Variants in ARHGEF26 observed in about 807,000 individuals in gnomAD.
ARHGEF26 encodes Rho guanine nucleotide exchange factor 26, also known as Rho guanine nucleotide exchange factor (GEF) 26.
In ARHGEF26, 59 loss-of-function variants were observed where a neutral mutation model predicts 89.4. That is an observed-to-expected ratio of 0.66 (90% CI 0.54 to 0.82). The LOEUF is 0.82. Among genes scored for constraint, ARHGEF26 ranks in the 40% least tolerant of loss-of-function variants. The pLI is 0.00. For missense variants in ARHGEF26, 1,234 were observed against 1,085.6 expected, an observed-to-expected ratio of 1.14 and a Z score of -1.92; for synonymous variants, 500 against 428.4, an observed-to-expected ratio of 1.17 and a Z score of -2.06.
intron 9 of ARHGEF26, among the ~76,000 whole-genome samples, chr3:154,196,550 A>G (rs1213111257): frequency 6.6e-6 from 1 of 152,196 alleles, no homozygotes; most frequent in Non-Finnish European, 1.5e-5. Flanking sequence ...TAATATTTAC[A>G]AAATCATGGG....
rs1334502000 is a variant in ARHGEF26 at position 154,240,509 on chromosome 3, C to G, written c.2230C>G (p.Leu744Val). ...LYSRQSSASH[L>V]FTLTVLSNHA... Reference sequence around the variant, plus strand: ...TTCAAGACAGAGCTCTGCCAGTCACCTCTTTACTCTGACAGTCCTTAGTAA... The same window carrying G: ...TTCAAGACAGAGCTCTGCCAGTCACGTCTTTACTCTGACAGTCCTTAGTAA... Residue 744 changes from leucine to valine, a missense_variant, in exon 12 of 15, where the codon CTC becomes GTC. Physicochemically the swap from Leu to Val is conservative, Grantham distance 32. Coordinates refer to ENST00000465093, the MANE Select transcript of ARHGEF26 (RefSeq NM_015595.4). 24 of 1,613,372 alleles carry G rather than the reference C, an allele frequency of 1.5e-5. No individual in the cohort carries two copies. Among genetic ancestry groups the G allele is most frequent in the Non-Finnish European group, 2.0e-5 (24 of 1,179,580 alleles).
intron 9 of ARHGEF26, among the ~76,000 whole-genome samples, chr3:154,200,437 G>T (rs192632118): frequency 1.3e-5 from 2 of 152,088 alleles, no homozygotes; most frequent in East Asian, 1.9e-4. Context: ...TTTTATGCCA[G>T]TACCATGCTG....
chr3:154,171,890 A>G (rs1712465231), intron 6 of ARHGEF26, among the ~76,000 whole-genome samples: 1 of 152,122 alleles, frequency 6.6e-6, no homozygotes, highest in South Asian at 2.1e-4. Context: ...ACTGGCCAAG[A>G]ATGCTGAGAA....
intron 11 of ARHGEF26, among the ~76,000 whole-genome samples, chr3:154,237,059 C>A (rs1559918984): frequency 6.6e-6 from 1 of 152,164 alleles, no homozygotes; most frequent in Non-Finnish European, 1.5e-5. Flanking sequence ...GTGATTAGGG[C>A]AGCCACAGTT....
At chr3:154,147,379 C>G (rs900586743) in intron 4 of ARHGEF26, among the ~76,000 whole-genome samples, 3 of 152,172 alleles carry the variant, frequency 2.0e-5, no homozygotes, top group Admixed American at 6.5e-5. Flanking sequence ...CCACTGCACT[C>G]CAGTCTGAGC....
rs148991949 is a variant in ARHGEF26 at position 154,251,308 on chromosome 3, G to A, written c.2301-1808G>A. Among the ~76,000 whole-genome samples the A allele has an allele frequency of 2.5e-3, 375 of 152,284 alleles. 1 individual carries two copies. The highest frequency in any genetic ancestry group is 6.0e-3 in the South Asian group (29 of 4,830). ...ATTAGATTAGATGATACTTGCAATT[G>A]TTTAGTACCATACCTGACACATAGG... On this transcript the variant is annotated intron_variant, in intron 12 of 14. Transcript: ENST00000465093.
At chr3:154,255,301 G>A in intron 14 of ARHGEF26, 30 bp from the exon 15 acceptor site, 1 of 1,599,938 alleles carries the variant, frequency 6.3e-7, no homozygotes, top group Non-Finnish European at 8.5e-7. Context: ...AATACTTGTT[G>A]TTTGGTGTGG....
intron 11 of ARHGEF26, among the ~76,000 whole-genome samples, chr3:154,233,529 T>G (rs1050120725): frequency 6.6e-6 from 1 of 152,178 alleles, no homozygotes; most frequent in African/African-American, 2.4e-5. Flanking sequence ...TAAACCCCAT[T>G]AACTCCTGTG....
At position 154,122,775 on chromosome 3, in the gene ARHGEF26, A is replaced by C. The variant is rs939235681; in HGVS notation, c.783A>C (p.Ile261=). The change falls in exon 2 of 15, where the codon ATA becomes ATC. Residue 261 remains isoleucine, a synonymous_variant. Transcript: ENST00000465093. ...IPKSLASEIK[I]SKSNNQNVEP... ...AGAGTCTGGCCTCGGAAATTAAAATAAGTAAATCCAACAATCAAAATGTGG... is the reference window on the plus strand; with the variant it reads ...AGAGTCTGGCCTCGGAAATTAAAATCAGTAAATCCAACAATCAAAATGTGG... 1 of 1,611,006 alleles carries C rather than the reference A, an allele frequency of 6.2e-7. No homozygotes were observed. Among genetic ancestry groups the C allele is most frequent in the Non-Finnish European group, 8.5e-7 (1 of 1,178,486 alleles).
chr3:154,124,874 G>T (rs563727936), intron 3 of ARHGEF26, among the ~76,000 whole-genome samples: 3 of 151,688 alleles, frequency 2.0e-5, no homozygotes, highest in Non-Finnish European at 4.4e-5. Flanking sequence ...CTGACTTCCT[G>T]TTTCCTTATT....
At chr3:154,149,733 A>T (rs968030850) in intron 5 of ARHGEF26, among the ~76,000 whole-genome samples, 7 of 152,160 alleles carry the variant, frequency 4.6e-5, no homozygotes, top group African/African-American at 1.7e-4. Context: ...TGAAACCAAC[A>T]TTAGATCTTA....
At chr3:154,240,310 C>CTG (rs1285839847) in intron 11 of ARHGEF26, 60 bp from the exon 12 acceptor site, 3 of 1,349,760 alleles carry the variant, frequency 2.2e-6, no homozygotes, top group Non-Finnish European at 2.0e-6. Flanking sequence ...GCCTCGAAAA[C>CTG]TGACAATGTC....
intron 7 of ARHGEF26, among the ~76,000 whole-genome samples, chr3:154,189,902 T>C (rs1488231149): frequency 3.9e-5 from 6 of 152,080 alleles, no homozygotes; most frequent in Admixed American, 3.9e-4. Flanking sequence ...AACTTCTCAA[T>C]TAGAGAAAAT....
intron 6 of ARHGEF26, among the ~76,000 whole-genome samples, chr3:154,185,164 AT>A (rs879322334): frequency 1.7e-4 from 25 of 150,142 alleles, no homozygotes; most frequent in African/African-American, 4.4e-4. Context: ...AAATGTGTGA[AT>A]TTTTTTTTTA....
chr3:154,216,509 ATT>A lies in ARHGEF26; in HGVS notation c.1846-1351_1846-1350del, dbSNP rs1273722931. On this transcript the variant is annotated intron_variant, in intron 9 of 14. Coordinates refer to ENST00000465093, the MANE Select transcript of ARHGEF26 (RefSeq NM_015595.4). ...TTTTTTTTATTTTTTTTTATTTTTTATTTTTTTTTTATGTCTATACAAAATAT... is the reference window on the plus strand; with the variant it reads ...TTTTTTTTATTTTTTTTTATTTTTTATTTTTTTTATGTCTATACAAAATAT... Among the ~76,000 whole-genome samples the A allele has an allele frequency of 4.1e-3, 109 of 26,348 alleles. 1 individual carries two copies. Among genetic ancestry groups the A allele is most frequent in the South Asian group, 9.2e-3 (4 of 436 alleles). 17.3% of individuals were successfully genotyped at this position (26,348 alleles called of 152,430 possible).
Position 154,239,291 on chromosome 3 carries a change from AGAGAGAGAGTGTGT to A in ARHGEF26, c.2091-1077_2091-1064del, listed in dbSNP as rs1314983678. The stretch of plus-strand genomic sequence containing the variant: ...GAGAGAGAGAGAGAGAGAGAGAGAG[AGAGAGAGAGTGTGT>A]GTGTGTGTGTGTGTGTGTGTGTGTG... On this transcript the variant is annotated intron_variant, in intron 11 of 14. Transcript: ENST00000465093. 8.4e-4 allele frequency among the ~76,000 whole-genome samples: 52 copies of A among 61,878 alleles called. 1 individual carries two copies. The highest frequency in any genetic ancestry group is 2.2e-3 in the African/African-American group (41 of 18,498). The allele number at this position is 61,878 out of a possible 152,430, so 40.6% of individuals were successfully genotyped here. A position where few individuals can be genotyped will look rare whatever the true frequency, so the allele number is the denominator to read the frequency against.
At chr3:154,195,216 G>A (rs759819326) in intron 9 of ARHGEF26, among the ~76,000 whole-genome samples, 1 of 152,178 alleles carries the variant, frequency 6.6e-6, no homozygotes, top group African/African-American at 2.4e-5. Flanking sequence ...CAGGATTGGG[G>A]GAAGAGAGTG....
intron 3 of ARHGEF26, among the ~76,000 whole-genome samples, chr3:154,125,487 TTAC>T (rs1049253307): frequency 6.6e-6 from 1 of 151,674 alleles, no homozygotes; most frequent in Admixed American, 6.6e-5. Context: ...TCACACCTAG[TTAC>T]ACAGCCAGTA....
intron 9 of ARHGEF26, among the ~76,000 whole-genome samples, chr3:154,206,856 C>T (rs185745244): frequency 3.3e-5 from 5 of 152,280 alleles, no homozygotes; most frequent in African/African-American, 1.2e-4. Flanking sequence ...TACCTGACTT[C>T]AAACTATACT....
Sources: gnomAD v4.1 joint callset for allele counts (sites outside exome capture counted in the v4.1 genomes callset) on GRCh38, gnomAD v4.1.1 for gene constraint, MANE v1.5 for transcripts, NCBI Gene and HGNC (gene_info 2026-07-23, HGNC 2026-07-21) for gene names.